The following TBXAS1 variants were observed in gnomAD, a reference collection of about 807,000 sequenced individuals.
The protein encoded by TBXAS1 is thromboxane A synthase 1.
In TBXAS1, 48 loss-of-function variants were observed where a neutral mutation model predicts 60.7. The ratio of observed to expected loss-of-function variants is 0.79; its 90% CI spans 0.63 to 1.01. The LOEUF is 1.01. TBXAS1 is among the 50% of genes least tolerant of loss of function. The pLI is 0.00. For synonymous variants in TBXAS1, 287 were observed against 269.7 expected (o/e 1.06, Z -0.63); for missense variants, 685 against 686.3 (o/e 1.00, Z 0.02).
intron 3 of TBXAS1, among the ~76,000 whole-genome samples, chr7:139,785,122 G>GAGTTA (rs1438618679): frequency 2.0e-5 from 3 of 152,200 alleles, no homozygotes; most frequent in Non-Finnish European, 4.4e-5. Flanking sequence ...AACTACAGGT[G>GAGTTA]TGGAGAGAGA....
intron 4 of TBXAS1, among the ~76,000 whole-genome samples, chr7:139,807,478 GGT>G (rs1476727493): frequency 1.3e-5 from 2 of 152,094 alleles, no homozygotes; most frequent in East Asian, 1.9e-4. Flanking sequence ...CCGCCTCCCG[GGT>G]TCAAGTGATT....
intron 1 of TBXAS1, among the ~76,000 whole-genome samples, chr7:139,864,497 A>G (rs904259994): frequency 6.6e-6 from 1 of 152,202 alleles, no homozygotes; most frequent in Non-Finnish European, 1.5e-5. Flanking sequence ...TCATCAAATC[A>G]GACTAATTCT....
intron 1 of TBXAS1, among the ~76,000 whole-genome samples, chr7:139,839,280 G>T (rs1443092213): frequency 6.6e-6 from 1 of 152,194 alleles, no homozygotes; most frequent in Non-Finnish European, 1.5e-5. Flanking sequence ...ACTAAAAAGA[G>T]TGGGAAACTG....
At chr7:139,801,788 G>C (rs1231472953) in intron 4 of TBXAS1, among the ~76,000 whole-genome samples, 1 of 151,886 alleles carries the variant, frequency 6.6e-6, no homozygotes, top group Non-Finnish European at 1.5e-5. Context: ...ATTTGATACA[G>C]AGTCTCCTTT....
intron 4 of TBXAS1, among the ~76,000 whole-genome samples, chr7:139,934,087 C>A (rs992090571): frequency 1.3e-5 from 2 of 152,206 alleles, no homozygotes; most frequent in Non-Finnish European, 2.9e-5. Context: ...CACTTTCCCT[C>A]CAGGAAAATT....
At chr7:140,009,180 G>A (rs1381623727) in intron 10 of TBXAS1, among the ~76,000 whole-genome samples, 7 of 152,228 alleles carry the variant, frequency 4.6e-5, no homozygotes, top group Non-Finnish European at 1.0e-4. Context: ...AAGGAAGTTG[G>A]TGCAGGTGGA....
chr7:139,851,763 A>C (rs17178978), intron 1 of TBXAS1, among the ~76,000 whole-genome samples: 14,430 of 152,296 alleles, frequency 0.095, 832 homozygotes, highest in Admixed American at 0.15. Context: ...ATGTAATTTC[A>C]CCACATTTGT....
intron 1 of TBXAS1, among the ~76,000 whole-genome samples, chr7:139,860,924 G>A (rs1210021077): frequency 1.3e-5 from 2 of 151,996 alleles, no homozygotes; most frequent in Non-Finnish European, 2.9e-5. Flanking sequence ...CTGTAATCCC[G>A]GCACTTTGGG....
intron 6 of TBXAS1, 61 bp from the exon 7 acceptor site, chr7:139,955,398 G>A (rs1260922731): frequency 4.3e-6 from 7 of 1,609,992 alleles, no homozygotes; most frequent in Admixed American, 3.3e-5. Context: ...CTCTGGAGGG[G>A]GCCATTGTGG....
intron 4 of TBXAS1, among the ~76,000 whole-genome samples, chr7:139,794,194 C>T (rs552413166): frequency 1.8e-4 from 28 of 152,046 alleles, no homozygotes; most frequent in African/African-American, 5.8e-4. Context: ...CTCTGCCTCC[C>T]GGGTTTAAGC....
At chr7:139,892,347 C>T (rs891388512) in intron 3 of TBXAS1, among the ~76,000 whole-genome samples, 3 of 152,140 alleles carry the variant, frequency 2.0e-5, no homozygotes, top group Non-Finnish European at 4.4e-5. Context: ...AATCCCAGCA[C>T]TTTGGGAGGC....
intron 12 of TBXAS1, among the ~76,000 whole-genome samples, chr7:140,018,095 G>C (rs567695329): frequency 1.3e-5 from 2 of 152,216 alleles, no homozygotes; most frequent in African/African-American, 4.8e-5. Context: ...GCCAACCCGA[G>C]CACGTGTTAA....
chr7:139,920,389 C>T (rs776627688), intron 4 of TBXAS1, among the ~76,000 whole-genome samples: 1 of 152,142 alleles, frequency 6.6e-6, no homozygotes, highest in Non-Finnish European at 1.5e-5. Context: ...CTTCCTGCCT[C>T]TTTTAGAAAT....
chr7:139,940,623 CCCACCCT>C (rs1808213728), intron 5 of TBXAS1, among the ~76,000 whole-genome samples: 1 of 152,100 alleles, frequency 6.6e-6, no homozygotes, highest in African/African-American at 2.4e-5. Flanking sequence ...CCCCTGAACC[CCCACCCT>C]CCACTGCTTT....
At chr7:139,784,011 G>GTTTTTTTTTT (rs11340240) in intron 3 of TBXAS1, among the ~76,000 whole-genome samples, 468 of 131,600 alleles carry the variant, frequency 3.6e-3, no homozygotes, top group East Asian at 9.0e-3. Context: ...AGTTTTTTTT[G>GTTTTTTTTTT]TTTTTTTTTT....
intron 3 of TBXAS1, among the ~76,000 whole-genome samples, chr7:139,892,953 C>T (rs1052194093): frequency 6.6e-6 from 1 of 152,124 alleles, no homozygotes; most frequent in African/African-American, 2.4e-5. Context: ...CCTCATTTTC[C>T]TAGCTATGAA....
chr7:139,867,834 A>T (rs572150456), intron 1 of TBXAS1, among the ~76,000 whole-genome samples: 2 of 150,312 alleles, frequency 1.3e-5, no homozygotes, highest in Non-Finnish European at 3.0e-5. Context: ...AATAATAAAT[A>T]AATAAATAAA....
intron 5 of TBXAS1, among the ~76,000 whole-genome samples, chr7:139,950,376 C>T (rs1809107937): frequency 6.6e-6 from 1 of 152,062 alleles, no homozygotes; most frequent in Non-Finnish European, 1.5e-5. Flanking sequence ...CTTTTGCTCC[C>T]CCACAGTGTT....
upstream of TBXAS1, among the ~76,000 whole-genome samples, chr7:139,825,969 C>G (rs933540063): frequency 1.7e-4 from 26 of 152,308 alleles, no homozygotes; most frequent in African/African-American, 6.3e-4. Flanking sequence ...ACTTACTTAT[C>G]AATGCTTATA....
Sources: gnomAD v4.1 joint callset for allele counts (sites outside exome capture counted in the v4.1 genomes callset) on GRCh38, gnomAD v4.1.1 for gene constraint, MANE v1.5 for transcripts, NCBI Gene and HGNC (gene_info 2026-07-23, HGNC 2026-07-21) for gene names.